PPP1R12A: variants seen among roughly 807,000 people sequenced by gnomAD.
PPP1R12A encodes myosin binding subunit.
Under a neutral mutation model 139.6 loss-of-function variants are expected in PPP1R12A, and 19 were observed. The observed-to-expected ratio is 0.14, with a 90% confidence interval of 0.09 to 0.20. The LOEUF (loss-of-function observed/expected upper bound fraction) is 0.20. Ranked by LOEUF, PPP1R12A falls within the 10% of genes least tolerant of loss-of-function variation. The pLI is 1.00. For synonymous variants in PPP1R12A, 427 were observed against 420.6 expected (o/e 1.02, Z -0.19); for missense variants, 925 against 1,211.5 (o/e 0.76, Z 3.51).
intron 9 of PPP1R12A, among the ~76,000 whole-genome samples, chr12:79,811,457 A>T (rs374727161): frequency 1.1e-4 from 16 of 152,212 alleles, no homozygotes; most frequent in African/African-American, 3.9e-4. Context: ...TGCCATTTTG[A>T]TCACATTTCC....
intron 22 of PPP1R12A, among the ~76,000 whole-genome samples, chr12:79,785,938 G>T (rs1871069781): frequency 6.6e-6 from 1 of 152,074 alleles, no homozygotes; most frequent in African/African-American, 2.4e-5. Flanking sequence ...TGCATAGAAG[G>T]AACTTACAAA....
intron 3 of PPP1R12A, among the ~76,000 whole-genome samples, chr12:79,843,103 G>A (rs561002389): frequency 6.6e-6 from 1 of 152,018 alleles, no homozygotes; most frequent in South Asian, 2.1e-4. Context: ...CCATGCTGTA[G>A]CGTATGTTTG....
intron 1 of PPP1R12A, among the ~76,000 whole-genome samples, chr12:79,896,969 G>C (rs1318822879): frequency 6.6e-6 from 1 of 152,136 alleles, no homozygotes; most frequent in Admixed American, 6.6e-5. Flanking sequence ...GAGATTAAGA[G>C]AATAAGTTTC....
chr12:79,894,466 G>A (rs1215414440), intron 1 of PPP1R12A, among the ~76,000 whole-genome samples: 1 of 151,980 alleles, frequency 6.6e-6, no homozygotes, highest in African/African-American at 2.4e-5. Context: ...GAAAGATCAA[G>A]GAAAAAGTCA....
Position 79,777,507 on chromosome 12 carries a change from G to A in PPP1R12A, c.3006+1043C>T, listed in dbSNP as rs974257277. On this transcript the variant is annotated intron_variant, in intron 24 of 24. Transcript: ENST00000450142. ...CCTGGCTCTACCAAGAAGAAATGAT[G>A]AAACTAAAAATTATAGGTTCACAGA... 10 of 985,268 alleles carry A rather than the reference G, an allele frequency of 1.0e-5. No individual in the cohort carries two copies. The East Asian group carries it at 9.1e-4, about 89-fold the overall frequency. 61.0% of individuals were successfully genotyped at this position (985,268 alleles called of 1,614,324 possible).
rs35732487 is a variant in PPP1R12A, at chr12:79,787,663, C to T, written c.2802+985G>A. ...AGTAGCTGGGATTATAGGCATGCGC[C>T]ACCACACCTGGGGTAATTTTGTATT... On this transcript the variant is annotated intron_variant, in intron 21 of 24. Transcript: ENST00000450142. The T allele has an allele frequency of 8.9e-3, 1,352 of 152,374 alleles. 12 individuals are homozygous for T. The highest frequency in any genetic ancestry group is 0.027 in the Middle Eastern group (8 of 294). 9.4% of individuals were successfully genotyped at this position (152,374 alleles called of 1,614,324 possible). A position where few individuals can be genotyped will look rare whatever the true frequency, so the allele number is the denominator to read the frequency against.
At chr12:79,897,649 C>T (rs920786380) in intron 1 of PPP1R12A, among the ~76,000 whole-genome samples, 2 of 152,174 alleles carry the variant, frequency 1.3e-5, no homozygotes, top group African/African-American at 4.8e-5. Context: ...CCAGTTACTT[C>T]CAAATGTTTC....
At chr12:79,801,345 C>CCAA (rs1873137494) in intron 14 of PPP1R12A, among the ~76,000 whole-genome samples, 1 of 20,156 alleles carries the variant, frequency 5.0e-5, no homozygotes, top group Non-Finnish European at 1.6e-4. Flanking sequence ...AACTCTGTCT[C>CCAA]AAAAAAAAAA....
chr12:79,816,747 T>C (rs568329136), intron 9 of PPP1R12A, among the ~76,000 whole-genome samples: 2 of 152,158 alleles, frequency 1.3e-5, no homozygotes, highest in Non-Finnish European at 2.9e-5. Context: ...CAACCAATCC[T>C]TACAATATTA....
At chr12:79,849,983 C>G (rs1022691473) in intron 2 of PPP1R12A, among the ~76,000 whole-genome samples, 2 of 151,910 alleles carry the variant, frequency 1.3e-5, no homozygotes, top group Admixed American at 6.6e-5. Flanking sequence ...ACTACAACAC[C>G]CAGCTAAATT....
At chr12:79,844,830 T>C (rs1879194828) in intron 3 of PPP1R12A, among the ~76,000 whole-genome samples, 1 of 152,178 alleles carries the variant, frequency 6.6e-6, no homozygotes, top group Non-Finnish European at 1.5e-5. Context: ...CTCTAGCTGC[T>C]TCTCTGCATA....
chr12:79,855,765 T>C (rs962380776), intron 2 of PPP1R12A, among the ~76,000 whole-genome samples: 4 of 152,004 alleles, frequency 2.6e-5, no homozygotes, highest in Admixed American at 6.5e-5. Flanking sequence ...TAGCCTCCCA[T>C]CAGTGCAGGT....
intron 1 of PPP1R12A, among the ~76,000 whole-genome samples, chr12:79,916,408 T>C (rs1887001827): frequency 6.6e-6 from 1 of 152,270 alleles, no homozygotes; most frequent in East Asian, 1.9e-4. Context: ...CATCGACAAA[T>C]GCTTTATACA....
chr12:79,798,986 T>G (rs1037903757), intron 14 of PPP1R12A, among the ~76,000 whole-genome samples: 1 of 152,190 alleles, frequency 6.6e-6, no homozygotes, highest in Non-Finnish European at 1.5e-5. Flanking sequence ...TGTTTTTAAC[T>G]GAGGAAGGTC....
At chr12:79,835,049 G>A (rs192013262) in intron 3 of PPP1R12A, among the ~76,000 whole-genome samples, 7 of 152,166 alleles carry the variant, frequency 4.6e-5, no homozygotes, top group African/African-American at 7.2e-5. Flanking sequence ...AAGACCCATC[G>A]TCAATGTGCA....
At chr12:79,790,269 T>C (rs1871670646) in intron 20 of PPP1R12A, among the ~76,000 whole-genome samples, 198 bp downstream of exon 20, 1 of 152,104 alleles carries the variant, frequency 6.6e-6, no homozygotes, top group Non-Finnish European at 1.5e-5. Context: ...TGGGGAAAAA[T>C]CTTACTTGCT....
chr12:79,855,172 T>C (rs1265851653), intron 2 of PPP1R12A, among the ~76,000 whole-genome samples: 1 of 151,916 alleles, frequency 6.6e-6, no homozygotes, highest in Non-Finnish European at 1.5e-5. Flanking sequence ...GTATTTTTAG[T>C]AAAGACGGGG....
rs374774391 is a variant in PPP1R12A at position 79,805,629 on chromosome 12, T to G, written c.1963A>C (p.Thr655Pro). Reference sequence around the variant, plus strand: ...CTGACCTCTGTTGTGGAGGAGACAGTGCCAGCAGTAGTTGTAGTCAGGGTT... The same window carrying G: ...CTGACCTCTGTTGTGGAGGAGACAGGGCCAGCAGTAGTTGTAGTCAGGGTT... The part of the protein sequence containing the change: ...TTTLTTTTAG[T>P]VSSTTEVRER... The change falls in exon 14 of 25, where the codon ACT becomes CCT. Residue 655 changes from threonine (T) to proline (P), a missense_variant. Thr to Pro is a conservative substitution (Grantham distance 38, BLOSUM62 -1). Coordinates refer to ENST00000450142, the MANE Select transcript of PPP1R12A (RefSeq NM_002480.3). 2.1e-5 allele frequency: 34 copies of G among 1,613,686 alleles called. No homozygotes were observed. Among genetic ancestry groups the G allele is most frequent in the Non-Finnish European group, 2.7e-5 (32 of 1,179,810 alleles).
chr12:79,836,794 A>T lies in PPP1R12A; in HGVS notation c.488-4303T>A, dbSNP rs553514034. ...ACTAACTAGCCAGTGATCCTGAGAA[A>T]GCCATAGCTTCTTTGGATATTAGTA... On this transcript the variant is annotated intron_variant, in intron 3 of 24. Coordinates refer to ENST00000450142, the MANE Select transcript of PPP1R12A (RefSeq NM_002480.3). Among the ~76,000 whole-genome samples, 8 of 152,304 alleles carry T rather than the reference A, an allele frequency of 5.3e-5. No individual in the cohort carries two copies. The East Asian group carries it at 1.2e-3, about 22-fold the overall frequency.
Sources: gnomAD v4.1 joint callset for allele counts (sites outside exome capture counted in the v4.1 genomes callset) on GRCh38, gnomAD v4.1.1 for gene constraint, MANE v1.5 for transcripts, NCBI Gene and HGNC (gene_info 2026-07-23, HGNC 2026-07-21) for gene names.